CRYBG3: variants seen among roughly 807,000 people sequenced by gnomAD.
The protein encoded by CRYBG3 is crystallin beta-gamma domain containing 3.
A neutral mutation model predicts 244.2 loss-of-function variants in CRYBG3; 127 were observed. That is an observed-to-expected ratio of 0.52 (90% CI 0.45 to 0.60). CRYBG3 has a LOEUF of 0.60. CRYBG3 is among the 20% of genes least tolerant of loss of function. The probability of loss-of-function intolerance (pLI) is 0.00; values close to 1 mark genes in which losing one functional copy is unlikely to be tolerated. For missense variants in CRYBG3, 3,325 were observed against 3,442.5 expected, an observed-to-expected ratio of 0.97 and a Z score of 0.85; for synonymous variants, 1,132 against 1,195.8, an observed-to-expected ratio of 0.95 and a Z score of 1.10.
chr3:97,917,880 A>G (rs2108254870), intron 17 of CRYBG3, among the ~76,000 whole-genome samples: 1 of 152,218 alleles, frequency 6.6e-6, no homozygotes, highest in East Asian at 1.9e-4. Context: ...CACCCTCCAG[A>G]TTCTGTCTCA....
In CRYBG3 at chr3:97,889,378, C is replaced by T; in HGVS notation, c.7428C>T (p.Pro2476=). Residue 2476 remains proline (P), a synonymous_variant, in exon 10 of 22, where the codon CCC becomes CCT. Coordinates refer to ENST00000389622, the MANE Select transcript of CRYBG3 (RefSeq NM_153605.4). The part of the protein sequence containing the change: ...LQMGGLKVEM[P]MNLKVIIYEK... ...AGGGTGGACTGAAAGTGGAAATGCC[C>T]ATGAACTTAAAGGTAAGTCTTGGAC... 6.2e-7 allele frequency: 1 copy of T among 1,609,146 alleles called. No homozygotes were observed. The highest frequency in any genetic ancestry group is 8.5e-7 in the Non-Finnish European group (1 of 1,175,754).
At chr3:97,843,407 C>T in intron 2 of CRYBG3, 146 bp downstream of exon 2, 1 of 588,602 alleles carries the variant, frequency 1.7e-6, no homozygotes. Context: ...CTTTGTCAGA[C>T]ACTTGCATCA....
Position 97,915,632 on chromosome 3 carries a change from G to A in CRYBG3, c.8137G>A (p.Asp2713Asn), listed in dbSNP as rs1403363183. ...TAGCTGGCTCCTCTATTACCAAGAA[G>A]ACATGTTTGTTAATCACTGTGTGTT... ...RGCWLLYYQE[D>N]MFVNHCVLEE... Residue 2713 changes from aspartate (D) to asparagine (N), a missense_variant, in exon 17 of 22, where the codon GAC (aspartate) becomes AAC (asparagine). Transcript: ENST00000389622. The A allele has an allele frequency of 3.7e-6, 6 of 1,611,410 alleles. No individual in the cohort carries two copies. Among genetic ancestry groups the A allele is most frequent in the Non-Finnish European group, 5.1e-6 (6 of 1,178,148 alleles).
chr3:97,922,967 A>G (rs186494919), intron 17 of CRYBG3, among the ~76,000 whole-genome samples: 7 of 152,358 alleles, frequency 4.6e-5, no homozygotes, highest in African/African-American at 1.7e-4. Context: ...GACGGGATTA[A>G]GAAAATGTGG....
chr3:97,881,039 A>G (rs2039440146), intron 6 of CRYBG3, 33 bp from the exon 7 acceptor site: 1 of 1,520,618 alleles, frequency 6.6e-7, no homozygotes, highest in Non-Finnish European at 8.8e-7. Flanking sequence ...AGAAAATTAA[A>G]TATAACTCAT....
chr3:97,892,839 A>T, intron 10 of CRYBG3, 21 bp from the exon 11 acceptor site: 1 of 1,305,786 alleles, frequency 7.7e-7, no homozygotes, highest in Non-Finnish European at 1.1e-6. Flanking sequence ...TAAAATATAA[A>T]CATGTTAAAT....
chr3:97,890,274 G>C (rs1464447587), intron 10 of CRYBG3, among the ~76,000 whole-genome samples: 1 of 152,154 alleles, frequency 6.6e-6, no homozygotes, highest in Non-Finnish European at 1.5e-5. Flanking sequence ...TATTAGTTTG[G>C]GCCGTGGTCA....
intron 17 of CRYBG3, among the ~76,000 whole-genome samples, chr3:97,920,559 T>A (rs2039972213): frequency 6.6e-6 from 1 of 152,030 alleles, no homozygotes; most frequent in Non-Finnish European, 1.5e-5. Context: ...AGATAGAGTC[T>A]GGCTCTGTCA....
intron 17 of CRYBG3, among the ~76,000 whole-genome samples, chr3:97,919,802 G>C (rs937733750): frequency 6.7e-6 from 1 of 150,238 alleles, no homozygotes; most frequent in South Asian, 2.1e-4. Context: ...TAGTAATTTT[G>C]TAGAAGAAAG....
chr3:97,859,115 A>G (rs1465446206), intron 2 of CRYBG3, among the ~76,000 whole-genome samples: 2 of 152,158 alleles, frequency 1.3e-5, no homozygotes, highest in African/African-American at 4.8e-5. Context: ...GGTCTGTGGA[A>G]GCAGTGATAT....
intron 2 of CRYBG3, among the ~76,000 whole-genome samples, chr3:97,861,744 T>C (rs977011140): frequency 2.6e-5 from 4 of 152,116 alleles, no homozygotes; most frequent in African/African-American, 9.7e-5. Flanking sequence ...CAGACAGATA[T>C]AGGGCCCGCA....
intron 1 of CRYBG3, among the ~76,000 whole-genome samples, chr3:97,836,482 CTCTG>C (rs1244372721): frequency 2.6e-5 from 4 of 152,078 alleles, no homozygotes; most frequent in African/African-American, 9.7e-5. Context: ...TGGTGTGGAA[CTCTG>C]TCTTTTTCCC....
chr3:97,896,017 G>T lies in CRYBG3; in HGVS notation c.7633G>T (p.Asp2545Tyr). 1 of 1,613,478 alleles carries T rather than the reference G, an allele frequency of 6.2e-7. No individual in the cohort carries two copies. Among genetic ancestry groups the T allele is most frequent in the East Asian group, 2.2e-5 (1 of 44,834 alleles). The change falls in exon 12 of 22, where the codon GAC (aspartate) becomes TAC (tyrosine). Residue 2545 changes from aspartate (D) to tyrosine (Y), a missense_variant. Around this residue, in one of 4 missense-constraint regions of CRYBG3, gnomAD observed 714 missense variants for 803.6 expected, o/e 0.89. Transcript: ENST00000389622. ...KGQQFLLEEG[D>Y]FEDSNACGAL... ...CCAGCAGTTTCTGCTTGAAGAAGGA[G>T]ACTTTGAAGACAGTAATGCTTGTGG...
chr3:97,921,825 T>C (rs553742427), intron 17 of CRYBG3, among the ~76,000 whole-genome samples: 4 of 152,208 alleles, frequency 2.6e-5, no homozygotes, highest in African/African-American at 9.6e-5. Flanking sequence ...GTGTGTAGGG[T>C]AACCTATTTT....
At chr3:97,887,319 C>T (rs187304474) in intron 8 of CRYBG3, among the ~76,000 whole-genome samples, 108 of 152,322 alleles carry the variant, frequency 7.1e-4, no homozygotes, top group African/African-American at 2.4e-3. Flanking sequence ...TGACTTGACT[C>T]CAAACCCTGT....
Position 97,888,322 on chromosome 3 carries a change from A to G in CRYBG3, c.7290-19A>G, listed in dbSNP as rs773574257. 7 of 1,435,062 alleles carry G rather than the reference A, an allele frequency of 4.9e-6. No homozygotes were observed. Among genetic ancestry groups the G allele is most frequent in the Non-Finnish European group, 5.9e-6 (6 of 1,024,724 alleles). 88.9% of individuals were successfully genotyped at this position (1,435,062 alleles called of 1,614,324 possible). A position where few individuals can be genotyped will look rare whatever the true frequency, so the allele number is the denominator to read the frequency against. On this transcript the variant is annotated intron_variant, in intron 8 of 21. Coordinates refer to ENST00000389622, the MANE Select transcript of CRYBG3 (RefSeq NM_153605.4). Reference sequence around the variant, plus strand: ...AAGCAGTACTATTATACTTTAACTAACTATCTATTTTTATATAGTTGGCTT... The same window carrying G: ...AAGCAGTACTATTATACTTTAACTAGCTATCTATTTTTATATAGTTGGCTT...
At chr3:97,887,888 ACTGTT>A (rs1466496885) in intron 8 of CRYBG3, among the ~76,000 whole-genome samples, 1 of 152,232 alleles carries the variant, frequency 6.6e-6, no homozygotes, top group African/African-American at 2.4e-5. Context: ...AATTGCAAAT[ACTGTT>A]CCTTAGGCAG....
At chr3:97,938,375 C>G (rs1332490347) in intron 19 of CRYBG3, among the ~76,000 whole-genome samples, 2 of 152,056 alleles carry the variant, frequency 1.3e-5, no homozygotes. Flanking sequence ...TTAGAGAGTA[C>G]CACCTATTTC....
chr3:97,933,086 C>CT (rs1330722609), intron 17 of CRYBG3: 1 of 450,882 alleles, frequency 2.2e-6, no homozygotes. Flanking sequence ...CCAAAAGTCT[C>CT]TTAACATGGT....
Sources: gnomAD v4.1 joint callset for allele counts (sites outside exome capture counted in the v4.1 genomes callset) on GRCh38, gnomAD v4.1.1 for gene constraint, gnomAD v4.1.1 regional missense constraint, MANE v1.5 for transcripts, NCBI Gene and HGNC (gene_info 2026-07-23, HGNC 2026-07-21) for gene names.